Variants in TAB3 observed in about 807,000 individuals in gnomAD.
The protein encoded by TAB3 is TGF-beta-activated kinase 1 and MAP3K7-binding protein 3.
Under a neutral mutation model 48.1 loss-of-function variants are expected in TAB3, and 18 were observed. That is an observed-to-expected ratio of 0.37 (90% CI 0.26 to 0.55). The LOEUF is 0.55. Among genes scored for constraint, TAB3 ranks in the 20% least tolerant of loss-of-function variants. The pLI, the probability that TAB3 is intolerant of heterozygous loss-of-function variation, is 0.78. For missense variants in TAB3, 414 were observed against 549.8 expected (o/e 0.75, Z 2.47); for synonymous variants, 185 against 190.2 (o/e 0.97, Z 0.22).
Position 30,852,842 on chromosome X carries a change from C to T in TAB3, c.1646G>A (p.Gly549Asp), listed in dbSNP as rs1234023670. 4.1e-6 allele frequency: 5 copies of T among 1,209,577 alleles called. No homozygotes were observed. The highest frequency in any genetic ancestry group is 5.6e-6 in the Non-Finnish European group (5 of 895,006). Residue 549 changes from glycine (G) to aspartate (D), a missense_variant, in exon 7 of 11, where the codon GGT (glycine) becomes GAT (aspartate). Gly to Asp is a moderately conservative substitution (Grantham distance 94). Transcript: ENST00000288422. ...ELERLKSEVNGMEHDLMQRRL... is the reference protein window; with the variant it reads ...ELERLKSEVNDMEHDLMQRRL... ...TCTCTGCATCAGGTCATGCTCCATA[C>T]CATTAACTTCAGACTTCAACCGCTC...
intron 9 of TAB3, among the ~76,000 whole-genome samples, chrX:30,841,622 T>G (rs1375406848): frequency 1.8e-5 from 2 of 111,520 alleles, no homozygotes; most frequent in African/African-American, 6.5e-5. Context: ...TAGATAGAAT[T>G]TATACATTCT....
chrX:30,868,508 ATATATAGCT>A (rs1215048281), intron 2 of TAB3, among the ~76,000 whole-genome samples: 4 of 6,966 alleles, frequency 5.7e-4, no homozygotes, highest in Admixed American at 5.1e-3. Flanking sequence ...TTATATATAT[ATATATAGCT>A]TATATATATA....
chrX:30,829,651 C>T lies in TAB3; in HGVS notation c.*1776G>A, dbSNP rs940852655. ...TTTATCAGTGTTAATTACCATGCTT[C>T]CTTTGGGAGACTAGTGGATATATTT... On this transcript the variant is annotated 3_prime_UTR_variant, in exon 11 of 11. Coordinates refer to ENST00000288422, the MANE Select transcript of TAB3 (RefSeq NM_152787.5). 9.0e-6 allele frequency: 1 copy of T among 111,524 alleles called. No homozygotes were observed. Among genetic ancestry groups the T allele is most frequent in the African/African-American group, 3.3e-5 (1 of 30,568 alleles). The allele number at this position is 111,524 out of a possible 1,213,427, so 9.2% of individuals were successfully genotyped here.
Position 30,831,352 on chromosome X carries a change from T to C in TAB3, c.*75A>G. 9.3e-7 allele frequency: 1 copy of C among 1,080,376 alleles called. No individual in the cohort carries two copies. Among genetic ancestry groups the C allele is most frequent in the Non-Finnish European group, 1.2e-6 (1 of 810,921 alleles). The allele number at this position is 1,080,376 out of a possible 1,213,427, so 89.0% of individuals were successfully genotyped here. A position where few individuals can be genotyped will look rare whatever the true frequency, so the allele number is the denominator to read the frequency against. ...AAAATGAAAAGGCTGGGTGGATGAA[T>C]AGAGTCCCGAGGTTTCCTTTTCTTC... On this transcript the variant is annotated 3_prime_UTR_variant, in exon 11 of 11. Transcript: ENST00000288422.
rs1338550449 is a variant in TAB3, at chrX:30,831,339, C to T, written c.*88G>A. ...CGCTGTGCAATCGAAAATGAAAAGG[C>T]TGGGTGGATGAATAGAGTCCCGAGG... On this transcript the variant is annotated 3_prime_UTR_variant, in exon 11 of 11. Coordinates refer to ENST00000288422, the MANE Select transcript of TAB3 (RefSeq NM_152787.5). 3 of 1,025,142 alleles carry T rather than the reference C, an allele frequency of 2.9e-6. No individual in the cohort carries two copies. The allele number at this position is 1,025,142 out of a possible 1,213,427, so 84.5% of individuals were successfully genotyped here. A position where few individuals can be genotyped will look rare whatever the true frequency, so the allele number is the denominator to read the frequency against.
intron 9 of TAB3, among the ~76,000 whole-genome samples, chrX:30,839,951 A>G (rs1342778874): frequency 3.0e-5 from 3 of 100,841 alleles, no homozygotes; most frequent in Admixed American, 2.2e-4. Flanking sequence ...TATAATATAT[A>G]TTAAAAAAAC....
intron 2 of TAB3, among the ~76,000 whole-genome samples, chrX:30,868,381 T>TA (rs1407570747): frequency 2.5e-5 from 1 of 39,265 alleles, no homozygotes; most frequent in Non-Finnish European, 3.9e-5. Context: ...CTTATATATA[T>TA]ATAGCTTATA....
intron 4 of TAB3, 188 bp from the exon 5 acceptor site, chrX:30,859,866 C>T: frequency 2.9e-6 from 1 of 345,315 alleles, no homozygotes; most frequent in Non-Finnish European, 4.9e-6. Context: ...CTTACCCTCA[C>T]AGAAACACTA....
intron 10 of TAB3, among the ~76,000 whole-genome samples, chrX:30,833,670 A>C (rs970504333): frequency 9.2e-6 from 1 of 109,283 alleles, no homozygotes; most frequent in Non-Finnish European, 1.9e-5. Flanking sequence ...TCTCTACTAA[A>C]AACACAAAAA....
intron 1 of TAB3, among the ~76,000 whole-genome samples, chrX:30,887,999 A>G (rs1401052091): frequency 8.9e-6 from 1 of 112,320 alleles, no homozygotes; most frequent in Non-Finnish European, 1.9e-5. Context: ...TCCGGTGTTC[A>G]TAAAACACAC....
At chrX:30,886,569 C>T (rs1940136181) in intron 1 of TAB3, among the ~76,000 whole-genome samples, 1 of 111,727 alleles carries the variant, frequency 9.0e-6, no homozygotes, top group African/African-American at 3.3e-5. Flanking sequence ...TTTCTGTTTC[C>T]ATGAAGACAG....
At chrX:30,886,335 ATT>A (rs11286233) in intron 1 of TAB3, among the ~76,000 whole-genome samples, 6 of 105,515 alleles carry the variant, frequency 5.7e-5, no homozygotes, top group African/African-American at 1.7e-4. Context: ...TCATTTGTTG[ATT>A]TTTTTTTTTG....
At chrX:30,837,041 CTTTTTTTTTTTTTTT>C (rs370702875) in intron 9 of TAB3, among the ~76,000 whole-genome samples, 1 of 36,574 alleles carries the variant, frequency 2.7e-5, no homozygotes, top group Non-Finnish European at 4.9e-5. Flanking sequence ...AAAATGACAT[CTTTTTTTTTTTTTTT>C]TTTTTTTTTG....
chrX:30,864,121 G>A (rs1159018970), intron 4 of TAB3, among the ~76,000 whole-genome samples: 1 of 111,544 alleles, frequency 9.0e-6, no homozygotes, highest in African/African-American at 3.3e-5. Context: ...TACAGGCTAG[G>A]CTCAGGCATG....
Position 30,854,330 on chromosome X carries a change from A to G in TAB3, c.1335T>C (p.Pro445=). ...TGPSCTPSPS[P]RVIPNPTTVF... ...CTGTAGTTGGGTTTGGTATCACTCG[A>G]GGAGATGGTGATGGAGTACAAGAAG... is the stretch of plus-strand genomic sequence containing the variant. Residue 445 remains proline (P), a synonymous_variant, in exon 6 of 11, where the codon CCT becomes CCC. Transcript: ENST00000288422. 2.5e-6 allele frequency: 3 copies of G among 1,211,340 alleles called. No individual in the cohort carries two copies. Among genetic ancestry groups the G allele is most frequent in the Non-Finnish European group, 3.4e-6 (3 of 895,327 alleles).
chrX:30,836,261 A>G (rs1308459426), intron 9 of TAB3: 1 of 112,067 alleles, frequency 8.9e-6, no homozygotes, highest in Admixed American at 9.5e-5. Flanking sequence ...ATATTATTAT[A>G]GAATTACAAC....
At chrX:30,846,989 C>T (rs148847394) in intron 7 of TAB3, among the ~76,000 whole-genome samples, 2 of 111,317 alleles carry the variant, frequency 1.8e-5, no homozygotes, top group Non-Finnish European at 3.8e-5. Context: ...AAGAATCAAC[C>T]TGTTAAACGA....
chrX:30,829,965 A>G lies in TAB3; in HGVS notation c.*1462T>C, dbSNP rs1937978546. 9.0e-6 allele frequency: 1 copy of G among 110,595 alleles called. No homozygotes were observed. The highest frequency in any genetic ancestry group is 9.7e-5 in the Admixed American group (1 of 10,316). 9.1% of individuals were successfully genotyped at this position (110,595 alleles called of 1,213,427 possible). ...ACCTACTAACTTTATTGCTGTTTAT[A>G]CTCACCAAAATGAGGGGAAGATTCC... On this transcript the variant is annotated 3_prime_UTR_variant, in exon 11 of 11. Transcript: ENST00000288422.
At chrX:30,885,902 GCCTT>G (rs899744287) in intron 1 of TAB3, among the ~76,000 whole-genome samples, 11 of 111,240 alleles carry the variant, frequency 9.9e-5, no homozygotes, top group African/African-American at 3.6e-4. Context: ...GAGTTTTGGT[GCCTT>G]CCTTGTTAGC....
Sources: gnomAD v4.1 joint callset for allele counts (sites outside exome capture counted in the v4.1 genomes callset) on GRCh38, gnomAD v4.1.1 for gene constraint, MANE v1.5 for transcripts, NCBI Gene and HGNC (gene_info 2026-07-23, HGNC 2026-07-21) for gene names.